CCDC149: variants seen among roughly 807,000 people sequenced by gnomAD.
CCDC149 encodes coiled-coil domain containing 149.
In CCDC149, 45 loss-of-function variants were observed where a neutral mutation model predicts 59.9. The ratio of observed to expected loss-of-function variants is 0.75; its 90% CI spans 0.59 to 0.96. CCDC149 has a LOEUF of 0.96. Among genes scored for constraint, CCDC149 ranks in the 40% least tolerant of loss-of-function variants. CCDC149 has a pLI of 0.00. For missense variants in CCDC149, 584 were observed against 664.7 expected (o/e 0.88, Z 1.33); for synonymous variants, 245 against 260.6 (o/e 0.94, Z 0.58).
intron 1 of CCDC149, among the ~76,000 whole-genome samples, chr4:24,883,651 A>G (rs1247138253): frequency 6.6e-6 from 1 of 152,182 alleles, no homozygotes; most frequent in African/African-American, 2.4e-5. Context: ...TGCCCCCTAC[A>G]TTGAGGTTAT....
chr4:24,915,186 A>G (rs1349065232), upstream of CCDC149, among the ~76,000 whole-genome samples: 2 of 152,264 alleles, frequency 1.3e-5, no homozygotes, highest in African/African-American at 4.8e-5. Flanking sequence ...AGTGCCAAGC[A>G]CTTGTTCCTA....
At chr4:24,885,434 C>T (rs1036203327) in intron 1 of CCDC149, among the ~76,000 whole-genome samples, 2 of 152,208 alleles carry the variant, frequency 1.3e-5, no homozygotes, top group Admixed American at 6.5e-5. Flanking sequence ...CTACAGAGAA[C>T]ACACTGGCTT....
intron 1 of CCDC149, among the ~76,000 whole-genome samples, chr4:24,902,922 G>A (rs922980986): frequency 1.3e-5 from 2 of 148,290 alleles, no homozygotes; most frequent in African/African-American, 4.9e-5. Flanking sequence ...CTATTCAGGA[G>A]GCTGAGGCTG....
chr4:24,808,089 A>C lies in CCDC149; in HGVS notation c.*300T>G, dbSNP rs376548787. On this transcript the variant is annotated 3_prime_UTR_variant, in exon 13 of 13. Coordinates refer to ENST00000635206, the MANE Select transcript of CCDC149 (RefSeq NM_001330643.2). Reference sequence around the variant, plus strand: ...CTCTGATAAAACAAAAGCTGACAGAAAGACGGATGCTGAAAACCAGCCATA... The same window carrying C: ...CTCTGATAAAACAAAAGCTGACAGACAGACGGATGCTGAAAACCAGCCATA... 59 of 255,970 alleles carry C rather than the reference A, an allele frequency of 2.3e-4. No homozygotes were observed. The highest frequency in any genetic ancestry group is 1.1e-3 in the African/African-American group (49 of 45,420). 15.9% of individuals were successfully genotyped at this position (255,970 alleles called of 1,614,324 possible). A position where few individuals can be genotyped will look rare whatever the true frequency, so the allele number is the denominator to read the frequency against.
At chr4:24,940,860 T>C (rs1222934381) in intron 1 of CCDC149, among the ~76,000 whole-genome samples, 2 of 152,204 alleles carry the variant, frequency 1.3e-5, no homozygotes, top group Non-Finnish European at 2.9e-5. Flanking sequence ...CCTAAATATA[T>C]ATGTACCCAA....
At chr4:24,935,775 A>G (rs538885193) in intron 1 of CCDC149, among the ~76,000 whole-genome samples, 1 of 152,340 alleles carries the variant, frequency 6.6e-6, no homozygotes, top group African/African-American at 2.4e-5. Context: ...AGAAAAGACT[A>G]GACACAATGA....
chr4:24,843,812 A>G (rs904448071), intron 4 of CCDC149, among the ~76,000 whole-genome samples: 2 of 152,122 alleles, frequency 1.3e-5, no homozygotes, highest in African/African-American at 4.8e-5. Flanking sequence ...TGAGATCCGC[A>G]TAGAGCCTCT....
intron 4 of CCDC149, among the ~76,000 whole-genome samples, chr4:24,842,387 T>G (rs531788242): frequency 1.3e-5 from 2 of 152,280 alleles, no homozygotes; most frequent in East Asian, 3.9e-4. Flanking sequence ...CTTATCTATG[T>G]AGTGCAGGCA....
intron 1 of CCDC149, among the ~76,000 whole-genome samples, chr4:24,904,134 T>C (rs1268682970): frequency 2.0e-5 from 3 of 152,238 alleles, no homozygotes; most frequent in Non-Finnish European, 4.4e-5. Context: ...CATGTATACC[T>C]TGATTGTGGT....
At chr4:24,952,626 A>AATATATATATATATATAT (rs199615303) in intron 1 of CCDC149, among the ~76,000 whole-genome samples, 2 of 28,456 alleles carry the variant, frequency 7.0e-5, no homozygotes, top group Non-Finnish European at 1.3e-4. Flanking sequence ...AAAAAAAAAA[A>AATATATATATATATATAT]ATATATATAT....
chr4:24,869,024 G>A (rs964739890), intron 3 of CCDC149, among the ~76,000 whole-genome samples: 1 of 152,194 alleles, frequency 6.6e-6, no homozygotes, highest in Non-Finnish European at 1.5e-5. Flanking sequence ...CACAGCAGCC[G>A]GCACTTGGTA....
At chr4:24,912,706 A>T in intron 1 of CCDC149, 111 bp downstream of exon 1, 1 of 718,622 alleles carries the variant, frequency 1.4e-6, no homozygotes. Flanking sequence ...GGCCACTTGG[A>T]GTGCGCGCCC....
chr4:24,920,751 AT>A (rs1450655243), intron 1 of CCDC149, among the ~76,000 whole-genome samples: 1 of 152,228 alleles, frequency 6.6e-6, no homozygotes, highest in Non-Finnish European at 1.5e-5. Context: ...TTTGGAAAAA[AT>A]ATATATTACA....
intron 8 of CCDC149, among the ~76,000 whole-genome samples, chr4:24,834,346 T>C (rs1716355014): frequency 6.6e-6 from 1 of 152,188 alleles, no homozygotes; most frequent in African/African-American, 2.4e-5. Flanking sequence ...CTGCTATTTA[T>C]TCCCCTGGAC....
At chr4:24,907,499 T>A (rs1014679191) in intron 1 of CCDC149, among the ~76,000 whole-genome samples, 1 of 152,144 alleles carries the variant, frequency 6.6e-6, no homozygotes, top group African/African-American at 2.4e-5. Context: ...GTGAGTGATC[T>A]AAGTGGATTT....
At position 24,810,148 on chromosome 4, in the gene CCDC149, C is replaced by T. The variant is rs565815311; in HGVS notation, c.1193-1329G>A. Among the ~76,000 whole-genome samples, 10 of 152,286 alleles carry T rather than the reference C, an allele frequency of 6.6e-5. No individual in the cohort carries two copies. The East Asian group carries it at 9.6e-4, about 15-fold the overall frequency. The stretch of plus-strand genomic sequence containing the variant: ...CTGTTAAATAAATCCTCCCAGCTAA[C>T]GCTTATTGGGTGCTTTTCCACACTA... On this transcript the variant is annotated intron_variant, in intron 12 of 12. Coordinates refer to ENST00000635206, the MANE Select transcript of CCDC149 (RefSeq NM_001330643.2).
upstream of CCDC149, among the ~76,000 whole-genome samples, chr4:24,917,320 A>G (rs907013593): frequency 5.3e-5 from 8 of 152,174 alleles, no homozygotes; most frequent in African/African-American, 1.7e-4. Context: ...CAGGGGGTGG[A>G]AGGAAGTTGC....
intron 1 of CCDC149, among the ~76,000 whole-genome samples, chr4:24,907,266 T>C (rs781129956): frequency 2.0e-5 from 3 of 152,184 alleles, no homozygotes; most frequent in Admixed American, 6.5e-5. Flanking sequence ...GTACTTTTAC[T>C]ACCCTATTTA....
chr4:24,868,689 C>T (rs929918563), intron 3 of CCDC149, among the ~76,000 whole-genome samples: 3 of 152,262 alleles, frequency 2.0e-5, no homozygotes, highest in East Asian at 1.9e-4. Context: ...GATGAAGGGA[C>T]GGTCACTTTT....
Sources: gnomAD v4.1 joint callset for allele counts (sites outside exome capture counted in the v4.1 genomes callset) on GRCh38, gnomAD v4.1.1 for gene constraint, MANE v1.5 for transcripts, NCBI Gene and HGNC (gene_info 2026-07-23, HGNC 2026-07-21) for gene names.